The following PCDH15 variants were observed in gnomAD, a reference collection of about 807,000 sequenced individuals.
PCDH15 encodes the protein protocadherin related 15, also known as protocadherin-15.
In PCDH15, 129 loss-of-function variants were observed where a neutral mutation model predicts 178.5. The observed-to-expected ratio is 0.72, with a 90% CI of 0.63 to 0.84. PCDH15 has a LOEUF of 0.84. Among genes scored for constraint, PCDH15 ranks in the 40% least tolerant of loss-of-function variants. The pLI is 0.00. For missense variants in PCDH15, 2,230 were observed against 2,099.9 expected, an observed-to-expected ratio of 1.06 and a Z score of -1.21; for synonymous variants, 800 against 732.0, an observed-to-expected ratio of 1.09 and a Z score of -1.50.
chr10:55,181,837 T>C (rs1432543829), intron 1 of PCDH15, among the ~76,000 whole-genome samples: 2 of 151,980 alleles, frequency 1.3e-5, no homozygotes, highest in Admixed American at 6.6e-5. Flanking sequence ...ACAGAGGTAT[T>C]TAAGTAGGAT....
chr10:54,350,043 G>A (rs373486454), intron 5 of PCDH15, among the ~76,000 whole-genome samples: 10 of 152,020 alleles, frequency 6.6e-5, no homozygotes, highest in African/African-American at 9.7e-5. Context: ...TGTATTAGCC[G>A]TAGGAATAGA....
chr10:54,383,617 GTATGTGTGTTTT>G (rs771114396), intron 3 of PCDH15, among the ~76,000 whole-genome samples: 3,802 of 78,906 alleles, frequency 0.048, 86 homozygotes, highest in South Asian at 0.093. Context: ...ACCATGCCGT[GTATGTGTGTTTT>G]TGTGTGTGTG....
intron 3 of PCDH15, among the ~76,000 whole-genome samples, chr10:54,394,645 T>C (rs1414317722): frequency 1.3e-5 from 2 of 152,180 alleles, no homozygotes; most frequent in Non-Finnish European, 2.9e-5. Flanking sequence ...TTGTCATTGA[T>C]AACATCTTAT....
chr10:53,908,623 T>C (rs2082847135), intron 25 of PCDH15, among the ~76,000 whole-genome samples: 1 of 152,202 alleles, frequency 6.6e-6, no homozygotes, highest in African/African-American at 2.4e-5. Flanking sequence ...CCAGTAAATA[T>C]ACATCACAGA....
chr10:53,964,432 A>AAATTTTTATAAATTTTATTTATTCATAC (rs2088751361), intron 21 of PCDH15, among the ~76,000 whole-genome samples: 2 of 132,272 alleles, frequency 1.5e-5, no homozygotes, highest in Non-Finnish European at 3.6e-5. Context: ...TTTATTCATA[A>AAATTTTTATAAATTTTATTTATTCATAC]AATTTTTATA....
At chr10:53,915,351 C>T (rs1008179700) in intron 25 of PCDH15, among the ~76,000 whole-genome samples, 2 of 152,180 alleles carry the variant, frequency 1.3e-5, no homozygotes, top group Admixed American at 6.5e-5. Context: ...ATATACTATT[C>T]ATTTTCAGTG....
At chr10:54,281,634 T>G (rs1274829526) in intron 8 of PCDH15, among the ~76,000 whole-genome samples, 1 of 152,014 alleles carries the variant, frequency 6.6e-6, no homozygotes, top group Non-Finnish European at 1.5e-5. Flanking sequence ...TAGGAAAAAT[T>G]GACCTTTTGT....
At chr10:55,472,210 T>G (rs930409675) in intron 2 of PCDH15, among the ~76,000 whole-genome samples, 1 of 152,338 alleles carries the variant, frequency 6.6e-6, no homozygotes, top group East Asian at 1.9e-4. Flanking sequence ...TCTCTGCTTT[T>G]AAAGGAACCT....
chr10:54,974,057 TCACACACA>T (rs3072796), intron 2 of PCDH15, among the ~76,000 whole-genome samples: 90 of 99,726 alleles, frequency 9.0e-4, no homozygotes, highest in African/African-American at 2.9e-3. Flanking sequence ...TCTCTCTCTC[TCACACACA>T]CACACACACA....
chr10:55,365,879 A>G (rs905147101), intron 2 of PCDH15, among the ~76,000 whole-genome samples: 2 of 152,080 alleles, frequency 1.3e-5, no homozygotes, highest in African/African-American at 4.8e-5. Flanking sequence ...ATTCATGAGA[A>G]ACTCATGAGA....
intron 8 of PCDH15, among the ~76,000 whole-genome samples, chr10:54,237,388 T>C (rs919355039): frequency 1.2e-4 from 19 of 152,214 alleles, no homozygotes; most frequent in African/African-American, 4.3e-4. Context: ...GTAAATAATT[T>C]CATAAAAATA....
intron 2 of PCDH15, among the ~76,000 whole-genome samples, chr10:55,036,444 G>C (rs1246303997): frequency 6.6e-6 from 1 of 152,072 alleles, no homozygotes; most frequent in Non-Finnish European, 1.5e-5. Flanking sequence ...AAGAGTCTTA[G>C]CTTAGACAGA....
At chr10:53,810,755 C>A (rs1449081001) in intron 36 of PCDH15, 91 bp from the exon 37 acceptor site, 2 of 1,175,944 alleles carry the variant, frequency 1.7e-6, no homozygotes, top group East Asian at 4.7e-5. Flanking sequence ...TTTCTTCCGC[C>A]ATTCAATCGA....
intron 2 of PCDH15, among the ~76,000 whole-genome samples, chr10:55,562,310 C>T (rs1187007529): frequency 2.6e-5 from 4 of 151,762 alleles, no homozygotes; most frequent in Non-Finnish European, 4.4e-5. Context: ...CTATTTTATA[C>T]AGTTATTATA....
intron 5 of PCDH15, among the ~76,000 whole-genome samples, chr10:54,358,220 G>A (rs1367959455): frequency 6.6e-6 from 1 of 150,840 alleles, no homozygotes; most frequent in African/African-American, 2.5e-5. Context: ...CCATCAGAGT[G>A]AACAGGCAAC....
intron 8 of PCDH15, among the ~76,000 whole-genome samples, chr10:54,307,264 A>T (rs2060619839): frequency 6.7e-6 from 1 of 148,554 alleles, no homozygotes; most frequent in Non-Finnish European, 1.5e-5. Flanking sequence ...ATATGTGTCT[A>T]ATCTTTTTAA....
intron 3 of PCDH15, among the ~76,000 whole-genome samples, chr10:54,823,813 G>T (rs1025372249): frequency 6.6e-6 from 1 of 151,934 alleles, no homozygotes; most frequent in African/African-American, 2.4e-5. Context: ...TCAAAAAAAA[G>T]ACTAAAAATA....
At chr10:54,513,355 G>A (rs1171327421) in intron 3 of PCDH15, among the ~76,000 whole-genome samples, 1 of 151,618 alleles carries the variant, frequency 6.6e-6, no homozygotes, top group Admixed American at 6.6e-5. Flanking sequence ...CTGCCTCCTG[G>A]GTTTAAGTGA....
intron 14 of PCDH15, among the ~76,000 whole-genome samples, chr10:54,133,858 T>TACATACAC (rs1554806815): frequency 7.5e-6 from 1 of 133,856 alleles, no homozygotes; most frequent in African/African-American, 2.6e-5. Flanking sequence ...TATGTATACA[T>TACATACAC]ACACACACAC....
Sources: gnomAD v4.1 joint callset for allele counts (sites outside exome capture counted in the v4.1 genomes callset) on GRCh38, gnomAD v4.1.1 for gene constraint, MANE v1.5 for transcripts, NCBI Gene and HGNC (gene_info 2026-07-23, HGNC 2026-07-21) for gene names.